The following CYP19A1 variants were observed in gnomAD, a reference collection of about 807,000 sequenced individuals.
CYP19A1 encodes aromatase.
In CYP19A1, 32 loss-of-function variants were observed where a neutral mutation model predicts 44.4. That is an observed-to-expected ratio of 0.72 (90% CI 0.54 to 0.97). CYP19A1 has a LOEUF of 0.97. Ranked by LOEUF, CYP19A1 falls within the 50% of genes least tolerant of loss-of-function variation. The pLI is 0.00. For synonymous variants in CYP19A1, 212 were observed against 215.6 expected, an observed-to-expected ratio of 0.98 and a Z score of 0.14; for missense variants, 598 against 637.8, an observed-to-expected ratio of 0.94 and a Z score of 0.67.
intron 1 of CYP19A1, among the ~76,000 whole-genome samples, chr15:51,256,034 A>G (rs1371794474): frequency 6.6e-6 from 1 of 152,216 alleles, no homozygotes; most frequent in Non-Finnish European, 1.5e-5. Flanking sequence ...AGAACCAGAC[A>G]TTTATTTAAA....
At chr15:51,249,161 G>A (rs576237510) in intron 1 of CYP19A1, among the ~76,000 whole-genome samples, 8 of 152,076 alleles carry the variant, frequency 5.3e-5, no homozygotes, top group South Asian at 2.1e-4. Flanking sequence ...AGCTGGTCTC[G>A]AACTCCTGAC....
rs200737086 is a variant in CYP19A1, at chr15:51,245,027, TG to T, written c.-38-2078del. ...GTGTCCTAAAATATTTTACTATTTT[TG>T]TTTGTTTGTTCCCCTACACACTTAT... On this transcript the variant is annotated intron_variant, in intron 1 of 9. Coordinates refer to ENST00000396402, the MANE Select transcript of CYP19A1 (RefSeq NM_000103.4). 2.7e-3 allele frequency among the ~76,000 whole-genome samples: 403 copies of T among 151,576 alleles called. 1 individual carries two copies. Among genetic ancestry groups the T allele is most frequent in the African/African-American group, 9.3e-3 (381 of 40,820 alleles).
At chr15:51,302,943 A>C (rs754285090) in intron 1 of CYP19A1, among the ~76,000 whole-genome samples, 5 of 152,226 alleles carry the variant, frequency 3.3e-5, no homozygotes, top group Non-Finnish European at 7.3e-5. Flanking sequence ...GGAGGCTTGC[A>C]GGCATGGCTT....
At chr15:51,249,930 A>C (rs545560077) in intron 1 of CYP19A1, among the ~76,000 whole-genome samples, 136 of 152,286 alleles carry the variant, frequency 8.9e-4, no homozygotes, top group African/African-American at 3.2e-3. Flanking sequence ...TATTCTTCCT[A>C]GCAAGCTTCC....
At chr15:51,286,758 A>G (rs1324755219) in intron 1 of CYP19A1, among the ~76,000 whole-genome samples, 1 of 152,202 alleles carries the variant, frequency 6.6e-6, no homozygotes, top group Non-Finnish European at 1.5e-5. Context: ...GTACCTGTGC[A>G]GCAAGGCAAT....
At chr15:51,302,761 G>T (rs536007796) in intron 1 of CYP19A1, among the ~76,000 whole-genome samples, 1 of 152,320 alleles carries the variant, frequency 6.6e-6, no homozygotes, top group South Asian at 2.1e-4. Flanking sequence ...GGCCTTCTTT[G>T]ATGTCCAGCC....
intron 1 of CYP19A1, among the ~76,000 whole-genome samples, chr15:51,259,989 A>G (rs1436103391): frequency 2.6e-5 from 4 of 152,254 alleles, no homozygotes; most frequent in African/African-American, 9.6e-5. Flanking sequence ...ATACATCTAG[A>G]GAGAAAGACA....
rs750143398 is a variant in CYP19A1, at chr15:51,236,968, C to T, written c.187G>A (p.Gly63Ser). ...CMGIGPLISH[G>S]RFLWMGIGSA... ...CCGATCCCCATCCACAGGAATCTGC[C>T]GTGGGAGATGAGGGGTCCAATTCCC... The change falls in exon 3 of 10, where the codon GGC becomes AGC. Residue 63 changes from glycine (G) to serine (S), a missense_variant. Gly to Ser is a moderately conservative substitution (Grantham distance 56). Coordinates refer to ENST00000396402, the MANE Select transcript of CYP19A1 (RefSeq NM_000103.4). 1.5e-5 allele frequency: 25 copies of T among 1,614,008 alleles called. No homozygotes were observed. In the Admixed American group the frequency reaches 2.3e-4, roughly 15 times the overall value.
intron 1 of CYP19A1, chr15:51,278,029 A>G (rs2035385791): frequency 7.6e-6 from 1 of 131,518 alleles, no homozygotes; most frequent in African/African-American, 3.0e-5. Context: ...GGTCACTTCT[A>G]GTTTTTGGAC....
chr15:51,306,765 G>T (rs2036223729), intron 1 of CYP19A1, among the ~76,000 whole-genome samples: 1 of 152,208 alleles, frequency 6.6e-6, no homozygotes, highest in Admixed American at 6.5e-5. Flanking sequence ...CAGGATAATT[G>T]TACATGGCAC....
Position 51,210,452 on chromosome 15 carries a change from G to A in CYP19A1, c.*356C>T, listed in dbSNP as rs2030822320. On this transcript the variant is annotated 3_prime_UTR_variant, in exon 10 of 10. Transcript: ENST00000396402. ...CTGCCCCAGACATAAAAATCCCCTT[G>A]GGTTGAGGCAGTAGAGCTCTACTGG... 1 of 524,770 alleles carries A rather than the reference G, an allele frequency of 1.9e-6. No individual in the cohort carries two copies. The highest frequency in any genetic ancestry group is 1.9e-5 in the African/African-American group (1 of 53,154). 32.5% of individuals were successfully genotyped at this position (524,770 alleles called of 1,614,324 possible). A position where few individuals can be genotyped will look rare whatever the true frequency, so the allele number is the denominator to read the frequency against.
intron 5 of CYP19A1, chr15:51,222,053 A>G: frequency 1.8e-6 from 1 of 565,238 alleles, no homozygotes; most frequent in East Asian, 2.9e-5. Context: ...GGATATGTTA[A>G]TAACCAAACG....
intron 2 of CYP19A1, among the ~76,000 whole-genome samples, chr15:51,237,815 C>A (rs2033503464): frequency 6.6e-6 from 1 of 152,168 alleles, no homozygotes; most frequent in Non-Finnish European, 1.5e-5. Context: ...AGAGAACAAC[C>A]TTGGTAGCTT....
chr15:51,216,117 C>A, intron 6 of CYP19A1: 1 of 406,720 alleles, frequency 2.5e-6, no homozygotes, highest in Non-Finnish European at 4.3e-6. Context: ...CAATGTTTTC[C>A]AATTTCTGAT....
intron 1 of CYP19A1, among the ~76,000 whole-genome samples, chr15:51,282,290 A>T (rs758441243): frequency 2.6e-5 from 4 of 152,220 alleles, no homozygotes; most frequent in Admixed American, 1.3e-4. Context: ...CAGGGCTTGC[A>T]TGTCTGACAT....
chr15:51,304,332 T>A (rs1045188015), intron 1 of CYP19A1, among the ~76,000 whole-genome samples: 5 of 152,194 alleles, frequency 3.3e-5, no homozygotes, highest in Non-Finnish European at 5.9e-5. Flanking sequence ...CACTCATCTC[T>A]TTTTAGCCCT....
rs186337321 is a variant in CYP19A1 at position 51,328,187 on chromosome 15, C to G, written c.-39+10308G>C. On this transcript the variant is annotated intron_variant, in intron 1 of 9. Coordinates refer to ENST00000396402, the MANE Select transcript of CYP19A1 (RefSeq NM_000103.4). ...GTCCTGAACAAATATGTACCATCTT[C>G]ACTCTATGCTGCATTCCTGAAAAAT... Among the ~76,000 whole-genome samples the G allele has an allele frequency of 3.8e-3, 578 of 152,324 alleles. 4 individuals are homozygous for G. The highest frequency in any genetic ancestry group is 0.013 in the African/African-American group (547 of 41,576).
intron 1 of CYP19A1, among the ~76,000 whole-genome samples, chr15:51,278,725 C>T (rs1425286153): frequency 1.3e-5 from 2 of 152,190 alleles, no homozygotes; most frequent in Non-Finnish European, 2.9e-5. Flanking sequence ...AAAAGTCTCT[C>T]TACCTTCTAT....
At chr15:51,299,731 T>C (rs1013109987) in intron 1 of CYP19A1, among the ~76,000 whole-genome samples, 1 of 152,216 alleles carries the variant, frequency 6.6e-6, no homozygotes, top group Admixed American at 6.5e-5. Context: ...TTATCCTAGC[T>C]TCGATGCTCA....
Sources: allele counts gnomAD v4.1 joint callset (sites outside exome capture counted in the v4.1 genomes callset), GRCh38; gene constraint gnomAD v4.1.1; transcripts MANE v1.5; gene names NCBI Gene and HGNC (gene_info 2026-07-23, HGNC 2026-07-21).